The following DNAJA1 variants were observed in gnomAD, a reference collection of about 807,000 sequenced individuals.
DNAJA1 encodes dnaJ homolog subfamily A member 1.
In DNAJA1, 26 loss-of-function variants were observed where a neutral mutation model predicts 47.6. The ratio of observed to expected loss-of-function variants is 0.55; its 90% CI spans 0.40 to 0.76. The LOEUF (loss-of-function observed/expected upper bound fraction) is 0.76. DNAJA1 is among the 30% of genes least tolerant of loss of function. DNAJA1 has a pLI of 0.00. For synonymous variants in DNAJA1, 165 were observed against 158.4 expected, an observed-to-expected ratio of 1.04 and a Z score of -0.31; for missense variants, 315 against 485.0, an observed-to-expected ratio of 0.65 and a Z score of 3.29.
At chr9:33,034,117 G>C in intron 5 of DNAJA1, 99 bp from the exon 6 acceptor site, 2 of 795,070 alleles carry the variant, frequency 2.5e-6, no homozygotes, top group Non-Finnish European at 3.8e-6. Context: ...AGTCATTTCT[G>C]TGATTTTTAT....
At chr9:33,035,620 C>T (rs1013393434) in intron 6 of DNAJA1, among the ~76,000 whole-genome samples, 1 of 152,056 alleles carries the variant, frequency 6.6e-6, no homozygotes, top group African/African-American at 2.4e-5. Flanking sequence ...CAGGCGCCCA[C>T]CACCACGCCC....
chr9:33,026,384 G>C lies in DNAJA1; in HGVS notation c.-10-91G>C, dbSNP rs1437221852. 8 of 1,417,334 alleles carry C rather than the reference G, an allele frequency of 5.6e-6. No homozygotes were observed. In the South Asian group the frequency reaches 8.2e-5, roughly 14 times the overall value. 87.8% of individuals were successfully genotyped at this position (1,417,334 alleles called of 1,614,324 possible). On this transcript the variant is annotated intron_variant, in intron 1 of 8. Coordinates refer to ENST00000330899, the MANE Select transcript of DNAJA1 (RefSeq NM_001539.4). ...AGGGAAGGTGGTGTTCTTATAATCG[G>C]ATTTTGCAAAGAGATTGCTCGGCCT...
At chr9:33,038,153 C>T (rs1372743080) in intron 8 of DNAJA1, among the ~76,000 whole-genome samples, 1 of 151,898 alleles carries the variant, frequency 6.6e-6, no homozygotes, top group Non-Finnish European at 1.5e-5. Context: ...TACAGGTGCC[C>T]GCCACCACGC....
At position 33,039,817 on chromosome 9, in the gene DNAJA1, T is replaced by C. The variant is rs1839093639; in HGVS notation, c.*914T>C. ...TTTAATTGTATGTTTAAAAGTCTCA[T>C]ATGTTCACATGCTTAAATCTGGGTA... On this transcript the variant is annotated 3_prime_UTR_variant, in exon 9 of 9. Transcript: ENST00000330899. The C allele has an allele frequency of 6.6e-6, 1 of 152,082 alleles. No homozygotes were observed. The highest frequency in any genetic ancestry group is 1.5e-5 in the Non-Finnish European group (1 of 67,996). 9.4% of individuals were successfully genotyped at this position (152,082 alleles called of 1,614,324 possible). A position where few individuals can be genotyped will look rare whatever the true frequency, so the allele number is the denominator to read the frequency against.
intron 1 of DNAJA1, among the ~76,000 whole-genome samples, chr9:33,026,231 T>G (rs1838842836): frequency 6.6e-6 from 1 of 152,212 alleles, no homozygotes; most frequent in South Asian, 2.1e-4. Flanking sequence ...GAAGCTTTGG[T>G]GTAGGAAAAT....
At chr9:33,036,552 A>G (rs2297215) in intron 6 of DNAJA1, 22 bp from the exon 7 acceptor site, 313,472 of 1,493,400 alleles carry the variant, frequency 0.21, 35,186 homozygotes, top group Middle Eastern at 0.27. Context: ...AAAAATATAA[A>G]TATGTGTCAT....
chr9:33,030,659 T>C lies in DNAJA1; in HGVS notation c.635T>C (p.Ile212Thr). 7 of 1,611,056 alleles carry C rather than the reference T, an allele frequency of 4.3e-6. No homozygotes were observed. Among genetic ancestry groups the C allele is most frequent in the Non-Finnish European group, 5.9e-6 (7 of 1,178,510 alleles). ...VREKKILEVH[I>T]DKGMKDGQKI... ...GAGAAGAAAATTTTAGAAGTTCATA[T>C]TGACAAAGGTGAGTTCTGAGTTACT... The change falls in exon 5 of 9, where the codon ATT becomes ACT. Residue 212 changes from isoleucine (I) to threonine (T), a missense_variant. Ile to Thr is a moderately conservative substitution (Grantham distance 89). This residue lies in a region of DNAJA1 where 45 missense variants were observed against 93.3 expected (regional missense o/e 0.48). Transcript: ENST00000330899.
In DNAJA1 at chr9:33,026,650, A is replaced by G. The variant is rs777482678; in HGVS notation, c.132+34A>G. The G allele has an allele frequency of 7.6e-6, 12 of 1,585,498 alleles. 1 individual carries two copies. The South Asian group carries it at 1.4e-4, about 18-fold the overall frequency. ...TATCTACTCTTAAACGTATCTGAAT[A>G]GTTCTTTGCCAGACGTATAGTATTT... On this transcript the variant is annotated intron_variant, in intron 2 of 8. Coordinates refer to ENST00000330899, the MANE Select transcript of DNAJA1 (RefSeq NM_001539.4).
At chr9:33,035,714 C>T (rs1187278424) in intron 6 of DNAJA1, among the ~76,000 whole-genome samples, 1 of 152,020 alleles carries the variant, frequency 6.6e-6, no homozygotes, top group Non-Finnish European at 1.5e-5. Flanking sequence ...GGCAATCCAC[C>T]TGCCTCGGCC....
chr9:33,033,673 G>A (rs1431953373), intron 5 of DNAJA1, among the ~76,000 whole-genome samples: 4 of 152,158 alleles, frequency 2.6e-5, no homozygotes, highest in African/African-American at 9.7e-5. Context: ...CTAGGCAACA[G>A]AGCAAGATCC....
At chr9:33,026,114 G>T (rs1838836273) in intron 1 of DNAJA1, among the ~76,000 whole-genome samples, 1 of 152,214 alleles carries the variant, frequency 6.6e-6, no homozygotes, top group East Asian at 1.9e-4. Flanking sequence ...CAGTGATAGT[G>T]TAATGACCGG....
intron 3 of DNAJA1, among the ~76,000 whole-genome samples, chr9:33,029,071 C>A (rs1293712166): frequency 1.3e-5 from 2 of 152,206 alleles, no homozygotes; most frequent in African/African-American, 4.8e-5. Context: ...TCTTGACCTT[C>A]CATTTCCTAT....
At chr9:33,026,729 C>T (rs901957362) in intron 2 of DNAJA1, 84 bp from the exon 3 acceptor site, 2 of 1,570,618 alleles carry the variant, frequency 1.3e-6, no homozygotes, top group Non-Finnish European at 1.7e-6. Context: ...CACTTCTCGG[C>T]CTTTTTAGCT....
rs539189898 is a variant in DNAJA1 at position 33,025,817 on chromosome 9, C to T, written c.-11+434C>T. Among the ~76,000 whole-genome samples the T allele has an allele frequency of 3.3e-5, 5 of 152,286 alleles. No individual in the cohort carries two copies. The South Asian group carries it at 6.2e-4, about 19-fold the overall frequency. On this transcript the variant is annotated intron_variant, in intron 1 of 8. Coordinates refer to ENST00000330899, the MANE Select transcript of DNAJA1 (RefSeq NM_001539.4). ...TGGTTTCGCTTTCTCTGTTTCCCCTCCCTTTGTTTGTTGAGGGCTGGGCTT... is the reference window on the plus strand; with the variant it reads ...TGGTTTCGCTTTCTCTGTTTCCCCTTCCTTTGTTTGTTGAGGGCTGGGCTT...
intron 3 of DNAJA1, 149 bp downstream of exon 3, chr9:33,027,139 G>GT (rs1449687289): frequency 9.5e-6 from 7 of 739,380 alleles, no homozygotes; most frequent in Non-Finnish European, 1.4e-5. Context: ...ATGGTGTCGT[G>GT]TTTTTTTGTT....
chr9:33,027,976 G>A (rs1367373892), intron 3 of DNAJA1, among the ~76,000 whole-genome samples: 1 of 136,510 alleles, frequency 7.3e-6, no homozygotes, highest in Non-Finnish European at 1.5e-5. Context: ...AGTGAGCTGA[G>A]ATCGCCCAAT....
chr9:33,036,869 A>G, intron 7 of DNAJA1, 146 bp from the exon 8 acceptor site: 2 of 829,272 alleles, frequency 2.4e-6, no homozygotes, highest in Non-Finnish European at 3.7e-6. Flanking sequence ...GCCCTTGGAA[A>G]ACCCATAAGT....
intron 6 of DNAJA1, among the ~76,000 whole-genome samples, chr9:33,035,037 C>CT (rs11371852): frequency 0.23 from 25,948 of 113,760 alleles, 3,453 homozygotes; most frequent in African/African-American, 0.29. Flanking sequence ...AAGAACCCAC[C>CT]TTTTTTTTTT....
At position 33,037,223 on chromosome 9, in the gene DNAJA1, G is replaced by A. The variant is rs1273635520; in HGVS notation, c.975+108G>A. ...CAAGTAGCTCATGCCTGTAATCCCCGCATTTTGAGAGGCTGAGGCAGGAGG... is the reference window on the plus strand; with the variant it reads ...CAAGTAGCTCATGCCTGTAATCCCCACATTTTGAGAGGCTGAGGCAGGAGG... On this transcript the variant is annotated intron_variant, in intron 8 of 8. Coordinates refer to ENST00000330899, the MANE Select transcript of DNAJA1 (RefSeq NM_001539.4). The A allele has an allele frequency of 2.3e-5, 20 of 851,064 alleles. No individual in the cohort carries two copies. In the African/African-American group the frequency reaches 2.6e-4, roughly 11 times the overall value. 52.7% of individuals were successfully genotyped at this position (851,064 alleles called of 1,614,324 possible).
Sources: allele counts gnomAD v4.1 joint callset (sites outside exome capture counted in the v4.1 genomes callset), GRCh38; gene constraint gnomAD v4.1.1; regional missense constraint gnomAD v4.1.1; transcripts MANE v1.5; gene names NCBI Gene and HGNC (gene_info 2026-07-23, HGNC 2026-07-21).